Variants in SECTM1 observed in about 807,000 individuals in gnomAD.
The protein encoded by SECTM1 is secreted and transmembrane 1.
In SECTM1, 10 loss-of-function variants were observed where a neutral mutation model predicts 18.1. The ratio of observed to expected loss-of-function variants is 0.55; its 90% confidence interval spans 0.34 to 0.94. SECTM1 has a LOEUF of 0.94. Among genes scored for constraint, SECTM1 ranks in the 40% least tolerant of loss-of-function variants. SECTM1 has a pLI of 0.02. For synonymous variants in SECTM1, 137 were observed against 139.2 expected (o/e 0.98, Z 0.11); for missense variants, 297 against 322.6 (o/e 0.92, Z 0.61).
intron 1 of SECTM1, among the ~76,000 whole-genome samples, chr17:82,332,439 C>A (rs1007828498): frequency 2.0e-5 from 3 of 152,218 alleles, no homozygotes; most frequent in Non-Finnish European, 4.4e-5. Flanking sequence ...AAGCTCCGGC[C>A]CCCTCGGGCT....
chr17:82,328,801 C>T lies in SECTM1; in HGVS notation c.-52-1509G>A, dbSNP rs1415207645. On this transcript the variant is annotated intron_variant, in intron 1 of 4. Coordinates refer to ENST00000269389, the MANE Select transcript of SECTM1 (RefSeq NM_003004.3). This position sits in a 1 kb window ranked among gnomAD's most constrained non-coding sequence, Gnocchi z 5.8. ...TTCGAAGGCGGCTGGGGCAAGGGTT[C>T]GTGGCCAGGCTGCCCTGCCTCTCGG... is the stretch of plus-strand genomic sequence containing the variant. Among the ~76,000 whole-genome samples the T allele has an allele frequency of 6.6e-6, 1 of 152,122 alleles. No homozygotes were observed. Among genetic ancestry groups the T allele is most frequent in the East Asian group, 1.9e-4 (1 of 5,186 alleles).
chr17:82,323,714 T>G (rs2052118951), intron 3 of SECTM1, among the ~76,000 whole-genome samples: 1 of 151,812 alleles, frequency 6.6e-6, no homozygotes, highest in African/African-American at 2.4e-5. Flanking sequence ...ACCAGATAAG[T>G]AGCTGGTGGT....
chr17:82,323,551 G>A (rs535774247), intron 3 of SECTM1, among the ~76,000 whole-genome samples: 1 of 151,134 alleles, frequency 6.6e-6, no homozygotes, highest in East Asian at 2.0e-4. Flanking sequence ...AAAGGGAGGG[G>A]AGGGGTGGGG....
Position 82,329,249 on chromosome 17 carries a change from A to C in SECTM1, c.-52-1957T>G, listed in dbSNP as rs1056607158. 3.3e-5 allele frequency: 5 copies of C among 152,038 alleles called. No individual in the cohort carries two copies. Among genetic ancestry groups the C allele is most frequent in the African/African-American group, 9.7e-5 (4 of 41,144 alleles). 9.4% of individuals were successfully genotyped at this position (152,038 alleles called of 1,614,324 possible). ...CACAGGCAGCCACCCGGTCATTCCC[A>C]TACTCTCACCATGGTCCTGCCTCCA... On this transcript the variant is annotated intron_variant, in intron 1 of 4. Transcript: ENST00000269389. This position sits in a 1 kb window ranked among gnomAD's most constrained non-coding sequence, Gnocchi z 7.6.
In SECTM1 at chr17:82,321,612, G is replaced by GC; in HGVS notation, c.*548dup. 1 of 153,578 alleles carries GC rather than the reference G, an allele frequency of 6.5e-6. No individual in the cohort carries two copies. Among genetic ancestry groups the GC allele is most frequent in the South Asian group, 1.8e-4 (1 of 5,628 alleles). The allele number at this position is 153,578 out of a possible 1,614,324, so 9.5% of individuals were successfully genotyped here. A position where few individuals can be genotyped will look rare whatever the true frequency, so the allele number is the denominator to read the frequency against. ...GCCGCCTCCCAGCCCGGCCTGCGCT[G>GC]CCCCCTGGCGGTGGGGCCAGGAGCC... is the stretch of plus-strand genomic sequence containing the variant. On this transcript the variant is annotated 3_prime_UTR_variant, in exon 5 of 5. Transcript: ENST00000269389.
At position 82,325,258 on chromosome 17, in the gene SECTM1, G is replaced by C. The variant is rs1567843868; in HGVS notation, c.95-368C>G. The stretch of plus-strand genomic sequence containing the variant: ...GTGCCGGGCGGCTGCGCTGTGGCAG[G>C]AGTGCTGCCACTGACCTGCCGAATC... On this transcript the variant is annotated intron_variant, in intron 2 of 4. Coordinates refer to ENST00000269389, the MANE Select transcript of SECTM1 (RefSeq NM_003004.3). This position sits in a 1 kb window ranked among gnomAD's most constrained non-coding sequence, Gnocchi z 7.6. 1.3e-5 allele frequency among the ~76,000 whole-genome samples: 2 copies of C among 152,168 alleles called. No homozygotes were observed.
Position 82,324,643 on chromosome 17 carries a change from C to CG in SECTM1, c.341_342insC (p.Tyr115ValfsTer12). On this transcript the variant is annotated frameshift_variant, in exon 3 of 5. Coordinates refer to ENST00000269389, the MANE Select transcript of SECTM1 (RefSeq NM_003004.3). LOFTEE classifies it high-confidence loss of function. ...GGTGTCCCACGAGGTGCCACATGTACAGCCCAGCATGGGAGTCCCGGGCGC... is the reference window on the plus strand; with the variant it reads ...GGTGTCCCACGAGGTGCCACATGTACGAGCCCAGCATGGGAGTCCCGGGCGC... 6.2e-7 allele frequency: 1 copy of CG among 1,613,396 alleles called. No individual in the cohort carries two copies. The highest frequency in any genetic ancestry group is 8.5e-7 in the Non-Finnish European group (1 of 1,179,760).
At position 82,327,304 on chromosome 17, in the gene SECTM1, A is replaced by C; in HGVS notation, c.-52-12T>G. On this transcript the variant is annotated splice_polypyrimidine_tract_variant and intron_variant, in intron 1 of 4. Coordinates refer to ENST00000269389, the MANE Select transcript of SECTM1 (RefSeq NM_003004.3). The stretch of plus-strand genomic sequence containing the variant: ...TCTTGAAACACTCCCTGGAGGAAGG[A>C]AAGCCCATGGGTCAGAGCCCCCTGC... 1 of 1,444,696 alleles carries C rather than the reference A, an allele frequency of 6.9e-7. No homozygotes were observed. Among genetic ancestry groups the C allele is most frequent in the Admixed American group, 2.0e-5 (1 of 49,372 alleles). The allele number at this position is 1,444,696 out of a possible 1,614,324, so 89.5% of individuals were successfully genotyped here. A position where few individuals can be genotyped will look rare whatever the true frequency, so the allele number is the denominator to read the frequency against.
In SECTM1 at chr17:82,329,715, G is replaced by T. The variant is rs369079251; in HGVS notation, c.-52-2423C>A. 2.0e-3 allele frequency among the ~76,000 whole-genome samples: 309 copies of T among 152,122 alleles called. No individual in the cohort carries two copies. The highest frequency in any genetic ancestry group is 7.1e-3 in the African/African-American group (295 of 41,498). ...GTGGGTCAGGGTGGTCCCTTCTGGA[G>T]GCTCCAGGCGGAATCTGTCCCTCTC... On this transcript the variant is annotated intron_variant, in intron 1 of 4. Transcript: ENST00000269389. This position sits in a 1 kb window ranked among gnomAD's most constrained non-coding sequence, Gnocchi z 7.6.
rs1156370015 is a variant in SECTM1, at chr17:82,326,366, G to A, written c.94+781C>T. On this transcript the variant is annotated intron_variant, in intron 2 of 4. Transcript: ENST00000269389. The surrounding 1 kb of genome is among the most constrained non-coding windows in gnomAD (Gnocchi z 4.3). Reference sequence around the variant, plus strand: ...TGTAATCCCAGCACTTTGGGAGGCCGAGGTGGGAGGATCACTTGAGCCCAG... The same window carrying A: ...TGTAATCCCAGCACTTTGGGAGGCCAAGGTGGGAGGATCACTTGAGCCCAG... Among the ~76,000 whole-genome samples the A allele has an allele frequency of 1.3e-5, 2 of 152,136 alleles. No homozygotes were observed. The highest frequency in any genetic ancestry group is 1.9e-4 in the East Asian group (1 of 5,188).
rs2052197401 is a variant in SECTM1 at position 82,332,247 on chromosome 17, G to T, written c.-53+1453C>A. Among the ~76,000 whole-genome samples the T allele has an allele frequency of 2.0e-5, 3 of 152,344 alleles. No homozygotes were observed. The South Asian group carries it at 6.2e-4, about 32-fold the overall frequency. On this transcript the variant is annotated intron_variant, in intron 1 of 4. Coordinates refer to ENST00000269389, the MANE Select transcript of SECTM1 (RefSeq NM_003004.3). Reference sequence around the variant, plus strand: ...ACAGGGGTCGGTATCTGAGGCGCCGGCACCAGACACGGCAGGGTCTGAGTG... The same window carrying T: ...ACAGGGGTCGGTATCTGAGGCGCCGTCACCAGACACGGCAGGGTCTGAGTG...
chr17:82,333,460 C>T (rs983714980), intron 1 of SECTM1, among the ~76,000 whole-genome samples: 8 of 152,018 alleles, frequency 5.3e-5, no homozygotes, highest in Non-Finnish European at 8.8e-5. Flanking sequence ...CTGCGACGCA[C>T]GCTCAGGGCC....
At chr17:82,323,611 C>T (rs965849655) in intron 3 of SECTM1, among the ~76,000 whole-genome samples, 3 of 150,890 alleles carry the variant, frequency 2.0e-5, no homozygotes, top group Non-Finnish European at 4.4e-5. Flanking sequence ...GTGGGGTGGC[C>T]GCTCAGGGCC....
At position 82,326,893 on chromosome 17, in the gene SECTM1, C is replaced by T. The variant is rs997514538; in HGVS notation, c.94+254G>A. 1.6e-4 allele frequency among the ~76,000 whole-genome samples: 25 copies of T among 152,228 alleles called. No individual in the cohort carries two copies. The highest frequency in any genetic ancestry group is 6.5e-4 in the Admixed American group (10 of 15,282). On this transcript the variant is annotated intron_variant, in intron 2 of 4. Transcript: ENST00000269389. The surrounding 1 kb of genome is among the most constrained non-coding windows in gnomAD (Gnocchi z 4.3). The stretch of plus-strand genomic sequence containing the variant: ...TGACAGTGACCACCAGGTACCACAG[C>T]GGGCACCACCGCCCTCCACCCACGG...
intron 4 of SECTM1, 21 bp from the exon 5 acceptor site, chr17:82,322,391 T>G (rs1023170059): frequency 1.9e-6 from 3 of 1,605,612 alleles, no homozygotes; most frequent in African/African-American, 1.3e-5. Context: ...AGGAAGGAGG[T>G]GCCTGTGTGA....
rs1014654613 is a variant in SECTM1, at chr17:82,328,861, A to G, written c.-52-1569T>C. On this transcript the variant is annotated intron_variant, in intron 1 of 4. Coordinates refer to ENST00000269389, the MANE Select transcript of SECTM1 (RefSeq NM_003004.3). This position sits in a 1 kb window ranked among gnomAD's most constrained non-coding sequence, Gnocchi z 5.8. ...CCCCTGCTAGGAAAAGTCCCTAGGT[A>G]GGGCGGCAACTCCAGCCCTGCCTCT... Among the ~76,000 whole-genome samples the G allele has an allele frequency of 6.6e-6, 1 of 152,134 alleles. No individual in the cohort carries two copies. Among genetic ancestry groups the G allele is most frequent in the African/African-American group, 2.4e-5 (1 of 41,428 alleles).
intron 1 of SECTM1, among the ~76,000 whole-genome samples, chr17:82,333,431 G>A (rs2052208537): frequency 2.0e-5 from 3 of 152,202 alleles, no homozygotes; most frequent in African/African-American, 7.2e-5. Context: ...TACGCCCGCT[G>A]CGACCCCGCC....
chr17:82,327,382 C>A, intron 1 of SECTM1, 90 bp from the exon 2 acceptor site: 1 of 724,044 alleles, frequency 1.4e-6, no homozygotes. Flanking sequence ...GGCTGGGAGG[C>A]TGGGGGTCCC....
In SECTM1 at chr17:82,326,792, T is replaced by C. The variant is rs937484492; in HGVS notation, c.94+355A>G. On this transcript the variant is annotated intron_variant, in intron 2 of 4. Coordinates refer to ENST00000269389, the MANE Select transcript of SECTM1 (RefSeq NM_003004.3). The surrounding 1 kb of genome is among the most constrained non-coding windows in gnomAD (Gnocchi z 4.3). ...CAGGGCTGCTGTCTGTTCCCGGCCA[T>C]GGCACAGGTCGCAACTGACCCAGAC... 2.0e-5 allele frequency among the ~76,000 whole-genome samples: 3 copies of C among 152,108 alleles called. No homozygotes were observed. Among genetic ancestry groups the C allele is most frequent in the African/African-American group, 7.2e-5 (3 of 41,398 alleles).
Sources: gnomAD v4.1 joint callset for allele counts (sites outside exome capture counted in the v4.1 genomes callset) on GRCh38, gnomAD v4.1.1 for gene constraint, Gnocchi (gnomAD v3.1) non-coding constraint, MANE v1.5 for transcripts, NCBI Gene and HGNC (gene_info 2026-07-23, HGNC 2026-07-21) for gene names.